C2CD3: variants seen among roughly 807,000 people sequenced by gnomAD.
The protein encoded by C2CD3 is C2 domain-containing protein 3.
C2CD3 carries 148 observed loss-of-function variants against 234.0 expected under a neutral mutation model. The ratio of observed to expected loss-of-function variants is 0.63; its 90% confidence interval spans 0.55 to 0.72. C2CD3 has a LOEUF of 0.72. C2CD3 is among the 30% of genes least tolerant of loss of function. The probability of loss-of-function intolerance (pLI) is 0.00; values close to 1 mark genes in which losing one functional copy is unlikely to be tolerated. For synonymous variants in C2CD3, 1,000 were observed against 1,035.4 expected (o/e 0.97, Z 0.66); for missense variants, 2,577 against 2,811.5 (o/e 0.92, Z 1.89).
At chr11:74,087,559 C>T (rs1480533151) in intron 20 of C2CD3, among the ~76,000 whole-genome samples, 3 of 149,546 alleles carry the variant, frequency 2.0e-5, no homozygotes, top group Admixed American at 6.6e-5. Context: ...AGTGAAACTC[C>T]ATCTCGAAAA....
chr11:74,063,739 A>C (rs1044163102), intron 24 of C2CD3, among the ~76,000 whole-genome samples: 3 of 152,006 alleles, frequency 2.0e-5, no homozygotes, highest in African/African-American at 7.3e-5. Context: ...CTCTCTCACC[A>C]CTCCTATTCA....
At chr11:74,123,928 G>A (rs1156336765) in intron 7 of C2CD3, among the ~76,000 whole-genome samples, 7 of 151,946 alleles carry the variant, frequency 4.6e-5, no homozygotes, top group African/African-American at 1.5e-4. Context: ...TAGAGATGGG[G>A]TTTCACCATG....
intron 32 of C2CD3, among the ~76,000 whole-genome samples, chr11:74,015,365 T>C (rs1397374868): frequency 6.6e-6 from 1 of 152,244 alleles, no homozygotes; most frequent in East Asian, 1.9e-4. Flanking sequence ...GCCAGGTCTT[T>C]AGTTAAGTTA....
intron 9 of C2CD3, 63 bp downstream of exon 9, chr11:74,118,165 G>A: frequency 1.5e-6 from 2 of 1,350,800 alleles, no homozygotes; most frequent in Non-Finnish European, 2.1e-6. Context: ...TTCACCTTGG[G>A]AGATCTTGTG....
chr11:74,145,662 A>G (rs2135551004), intron 3 of C2CD3, among the ~76,000 whole-genome samples: 1 of 152,150 alleles, frequency 6.6e-6, no homozygotes, highest in Non-Finnish European at 1.5e-5. Context: ...TAGGTTCCAG[A>G]GTCTTTACAG....
At chr11:74,024,008 C>T (rs144890777) in intron 32 of C2CD3, among the ~76,000 whole-genome samples, 1 of 152,196 alleles carries the variant, frequency 6.6e-6, no homozygotes, top group African/African-American at 2.4e-5. Flanking sequence ...ATCTAAGAAT[C>T]GAAACATCTC....
rs147436015 is a variant in C2CD3, at chr11:74,090,134, C to A, written c.3641+679G>T. Among the ~76,000 whole-genome samples the A allele has an allele frequency of 3.3e-5, 5 of 151,908 alleles. No homozygotes were observed. The East Asian group carries it at 9.7e-4, about 29-fold the overall frequency. ...GTGGAGTAAGCAGAGGGCAGACTAG[C>A]AGGAGATGAGATCACAAAGATAGAT... On this transcript the variant is annotated intron_variant, in intron 20 of 32. Transcript: ENST00000334126.
intron 3 of C2CD3, among the ~76,000 whole-genome samples, chr11:74,150,062 T>C (rs1035415287): frequency 5.9e-5 from 9 of 152,144 alleles, no homozygotes; most frequent in Admixed American, 6.5e-5. Flanking sequence ...AATCTTGTTT[T>C]TGTTTTCAGT....
intron 11 of C2CD3, chr11:74,113,397 G>C (rs185613989): frequency 4.5e-6 from 1 of 221,022 alleles, no homozygotes; most frequent in East Asian, 1.3e-4. Context: ...TGAAAATATT[G>C]GCTGGGCGTG....
At chr11:74,040,793 C>T (rs984354614) in intron 29 of C2CD3, among the ~76,000 whole-genome samples, 2 of 151,726 alleles carry the variant, frequency 1.3e-5, no homozygotes, top group South Asian at 2.1e-4. Flanking sequence ...ACAAAAAAGC[C>T]GGAAGCCGCA....
intron 17 of C2CD3, 75 bp from the exon 18 acceptor site, chr11:74,094,074 G>T: frequency 3.2e-6 from 4 of 1,232,160 alleles, no homozygotes; most frequent in South Asian, 1.4e-5. Flanking sequence ...TGTTCTTCCA[G>T]TGAATATTAC....
At chr11:74,044,648 A>G (rs1403561661) in intron 28 of C2CD3, among the ~76,000 whole-genome samples, 2 of 152,140 alleles carry the variant, frequency 1.3e-5, no homozygotes, top group African/African-American at 4.8e-5. Context: ...GAATGATCCC[A>G]TCACCCAGGT....
At chr11:74,040,730 G>A (rs369673848) in intron 29 of C2CD3, among the ~76,000 whole-genome samples, 12 of 151,862 alleles carry the variant, frequency 7.9e-5, no homozygotes, top group African/African-American at 2.9e-4. Context: ...CACTCCAGCC[G>A]GGGCAACAGT....
intron 32 of C2CD3, among the ~76,000 whole-genome samples, chr11:74,015,665 T>C (rs1951852575): frequency 6.6e-6 from 1 of 152,216 alleles, no homozygotes; most frequent in African/African-American, 2.4e-5. Flanking sequence ...ACCAGGCATT[T>C]GTTTCCCCAT....
At chr11:74,061,565 C>T (rs962732516) in intron 24 of C2CD3, among the ~76,000 whole-genome samples, 7 of 152,124 alleles carry the variant, frequency 4.6e-5, no homozygotes, top group Admixed American at 3.9e-4. Context: ...CCTGTAAAGA[C>T]AAATGCTGAG....
chr11:74,138,322 G>A (rs1292202000), intron 5 of C2CD3, among the ~76,000 whole-genome samples: 1 of 152,144 alleles, frequency 6.6e-6, no homozygotes, highest in Non-Finnish European at 1.5e-5. Context: ...AAGACTAAGA[G>A]TTTTCAGAAT....
intron 31 of C2CD3, among the ~76,000 whole-genome samples, chr11:74,032,283 G>C (rs1952550022): frequency 6.6e-6 from 1 of 152,188 alleles, no homozygotes; most frequent in African/African-American, 2.4e-5. Context: ...CTGACTTCTA[G>C]TAGAGGAAGA....
At position 74,114,262 on chromosome 11, in the gene C2CD3, G is replaced by A. The variant is rs1956851892; in HGVS notation, c.1730+122C>T. ...TATAGCAGGGATTCAATATATTTCT[G>A]TAGATTAAATGATGCATATGAAAAC... On this transcript the variant is annotated intron_variant, in intron 10 of 32. Transcript: ENST00000334126. 5.6e-6 allele frequency: 4 copies of A among 708,076 alleles called. No homozygotes were observed. In the East Asian group the frequency reaches 8.1e-5, roughly 14 times the overall value. 43.9% of individuals were successfully genotyped at this position (708,076 alleles called of 1,614,324 possible).
chr11:74,084,412 C>T (rs1955543608), intron 22 of C2CD3, among the ~76,000 whole-genome samples: 1 of 147,118 alleles, frequency 6.8e-6, no homozygotes, highest in Non-Finnish European at 1.5e-5. Context: ...TGCACATGTA[C>T]CCTAGAACTT....
Sources: gnomAD v4.1 joint callset for allele counts (sites outside exome capture counted in the v4.1 genomes callset) on GRCh38, gnomAD v4.1.1 for gene constraint, MANE v1.5 for transcripts, NCBI Gene and HGNC (gene_info 2026-07-23, HGNC 2026-07-21) for gene names.